Variants in PLEKHO1 observed in about 807,000 individuals in gnomAD.
PLEKHO1 encodes the protein pleckstrin homology domain containing O1, also known as pleckstrin homology domain-containing family O member 1.
PLEKHO1 carries 22 observed loss-of-function variants against 41.4 expected under a neutral mutation model. The ratio of observed to expected loss-of-function variants is 0.53; its 90% CI spans 0.38 to 0.76. The LOEUF is 0.76. Ranked by LOEUF, PLEKHO1 falls within the 30% of genes least tolerant of loss-of-function variation. PLEKHO1 has a pLI of 0.00. For synonymous variants in PLEKHO1, 225 were observed against 210.8 expected, an observed-to-expected ratio of 1.07 and a Z score of -0.58; for missense variants, 488 against 518.3, an observed-to-expected ratio of 0.94 and a Z score of 0.57.
At chr1:150,157,280 A>G (rs1559962395) in intron 4 of PLEKHO1, 105 bp from the exon 5 acceptor site, 4 of 886,686 alleles carry the variant, frequency 4.5e-6, no homozygotes, top group Non-Finnish European at 7.5e-6. Flanking sequence ...CCCCTTGCCC[A>G]TTCAGAAGCA....
intron 2 of PLEKHO1, chr1:150,154,183 C>T (rs1660075468): frequency 6.6e-6 from 1 of 152,324 alleles, no homozygotes; most frequent in Non-Finnish European, 1.5e-5. Flanking sequence ...CAACACTTTC[C>T]TCTCCACGGT....
chr1:150,159,057 C>G lies in PLEKHO1; in HGVS notation c.764C>G (p.Pro255Arg), dbSNP rs782292173. Residue 255 changes from proline to arginine, a missense_variant, in exon 6 of 6, where the codon CCC (proline) becomes CGC (arginine). Physicochemically the swap from Pro to Arg is moderately radical, Grantham distance 103. Transcript: ENST00000369124. ...ACAGACAAAGGGGCCACCTACACCCCCCAGGCACCCAAGAAGTTGACGCCC... is the reference window on the plus strand; with the variant it reads ...ACAGACAAAGGGGCCACCTACACCCGCCAGGCACCCAAGAAGTTGACGCCC... ...EKTDKGATYT[P>R]QAPKKLTPTE... is the part of the protein sequence containing the mutation. 3 of 1,614,098 alleles carry G rather than the reference C, an allele frequency of 1.9e-6. No individual in the cohort carries two copies. The highest frequency in any genetic ancestry group is 1.7e-5 in the Admixed American group (1 of 60,024).
chr1:150,155,306 T>A (rs1553820128), intron 2 of PLEKHO1: 2 of 151,900 alleles, frequency 1.3e-5, no homozygotes, highest in African/African-American at 2.4e-5. Context: ...AAGTGTAGTC[T>A]CCCAGGGAGA....
chr1:150,152,762 A>C (rs1159596377), intron 2 of PLEKHO1: 1 of 151,324 alleles, frequency 6.6e-6, no homozygotes, highest in Non-Finnish European at 1.5e-5. Context: ...TAATTGCAGG[A>C]AACTCTAGTT....
At chr1:150,149,904 A>T (rs1415298049), upstream of PLEKHO1, 1 of 150,580 alleles carries the variant, frequency 6.6e-6, no homozygotes, top group African/African-American at 2.4e-5. Flanking sequence ...CGGGGTGCGG[A>T]CTGGGCCGCC....
chr1:150,154,888 T>C (rs1660102436), intron 2 of PLEKHO1: 1 of 152,234 alleles, frequency 6.6e-6, no homozygotes, highest in Non-Finnish European at 1.5e-5. Flanking sequence ...CTAAGTCTCC[T>C]CTCTGTAACT....
rs782485298 is a variant in PLEKHO1 at position 150,159,201 on chromosome 1, G to C, written c.908G>C (p.Gly303Ala). 1 of 1,613,990 alleles carries C rather than the reference G, an allele frequency of 6.2e-7. No individual in the cohort carries two copies. Among genetic ancestry groups the C allele is most frequent in the Admixed American group, 1.7e-5 (1 of 60,012 alleles). ...EPPTPALPNP[G>A]QLSRIQDLVA... ...CCAACCCCTGCCCTCCCCAACCCGG[G>C]GCAGCTGTCCCGGATCCAGGACCTG... is the stretch of plus-strand genomic sequence containing the variant. The change falls in exon 6 of 6, where the codon GGG becomes GCG. Residue 303 changes from glycine (G) to alanine (A), a missense_variant. By Grantham distance (60) the Gly-to-Ala change is moderately conservative. Around this residue, in one of 3 missense-constraint regions of PLEKHO1, gnomAD observed 337 missense variants for 324.6 expected, o/e 1.04. Transcript: ENST00000369124.
chr1:150,155,873 C>T (rs781941929), intron 2 of PLEKHO1, 193 bp from the exon 3 acceptor site: 2 of 570,214 alleles, frequency 3.5e-6, no homozygotes, highest in South Asian at 2.5e-5. Context: ...CCTTAACATT[C>T]AAGACTTGGA....
Position 150,157,018 on chromosome 1 carries a change from C to T in PLEKHO1, c.423+3C>T. 1.3e-6 allele frequency: 2 copies of T among 1,577,302 alleles called. No homozygotes were observed. The highest frequency in any genetic ancestry group is 1.7e-6 in the Non-Finnish European group (2 of 1,146,414). On this transcript the variant is annotated splice_donor_region_variant and intron_variant, in intron 4 of 5. Transcript: ENST00000369124. ...CCAAGAACCGTATCTTGGATGAGGT[C>T]AGGGGGCTCACTGTGGGGAGAGGGA...
chr1:150,151,108 G>T, intron 2 of PLEKHO1, 50 bp downstream of exon 2: 1 of 1,606,128 alleles, frequency 6.2e-7, no homozygotes, highest in Admixed American at 1.7e-5. Flanking sequence ...CCCCCACTTT[G>T]TCACTCCCCA....
Position 150,157,021 on chromosome 1 carries a change from G to A in PLEKHO1, c.423+6G>A. 6.4e-7 allele frequency: 1 copy of A among 1,562,380 alleles called. No individual in the cohort carries two copies. Among genetic ancestry groups the A allele is most frequent in the Non-Finnish European group, 8.8e-7 (1 of 1,132,762 alleles). ...AGAACCGTATCTTGGATGAGGTCAG[G>A]GGGCTCACTGTGGGGAGAGGGAGGA... On this transcript the variant is annotated splice_donor_region_variant and intron_variant, in intron 4 of 5. Transcript: ENST00000369124.
chr1:150,152,569 C>CT (rs1322798412), intron 2 of PLEKHO1, among the ~76,000 whole-genome samples: 2 of 145,478 alleles, frequency 1.4e-5, no homozygotes, highest in African/African-American at 5.5e-5. Flanking sequence ...TCCCAAAGTG[C>CT]TGGGATTACA....
chr1:150,150,254 G>C lies in PLEKHO1; in HGVS notation c.-4G>C. 2 of 1,103,588 alleles carry C rather than the reference G, an allele frequency of 1.8e-6. No individual in the cohort carries two copies. The highest frequency in any genetic ancestry group is 2.2e-6 in the Non-Finnish European group (2 of 899,046). 68.4% of individuals were successfully genotyped at this position (1,103,588 alleles called of 1,614,324 possible). ...TCGCCGCCCCGCGCCCGCGCCCGCT[G>C]GGAATGATGAAGAAGAACAATTCCG... On this transcript the variant is annotated 5_prime_UTR_variant, in exon 1 of 6. Coordinates refer to ENST00000369124, the MANE Select transcript of PLEKHO1 (RefSeq NM_016274.6).
At position 150,159,916 on chromosome 1, in the gene PLEKHO1, A is replaced by G. The variant is rs1660367369; in HGVS notation, c.*393A>G. 3 of 164,218 alleles carry G rather than the reference A, an allele frequency of 1.8e-5. No individual in the cohort carries two copies. Among genetic ancestry groups the G allele is most frequent in the South Asian group, 3.6e-4 (2 of 5,498 alleles). The allele number at this position is 164,218 out of a possible 1,614,324, so 10.2% of individuals were successfully genotyped here. A position where few individuals can be genotyped will look rare whatever the true frequency, so the allele number is the denominator to read the frequency against. ...ATGAGGATGTTTTCTGTTATGTCCC[A>G]CCCCAGGCCTTCAGTTTGAGGGTGA... On this transcript the variant is annotated 3_prime_UTR_variant, in exon 6 of 6. Transcript: ENST00000369124.
Position 150,150,897 on chromosome 1 carries a change from C to G in PLEKHO1, c.31-15C>G, listed in dbSNP as rs1553818743. The G allele has an allele frequency of 3.7e-6, 6 of 1,612,654 alleles. No individual in the cohort carries two copies. Among genetic ancestry groups the G allele is most frequent in the African/African-American group, 1.3e-5 (1 of 74,898 alleles). ...AATCTCCTAACCGCCCGCTTCTCAT[C>G]TTGTCCTGGGGCAGGGACCTCAGGA... On this transcript the variant is annotated splice_polypyrimidine_tract_variant and intron_variant, in intron 1 of 5. Transcript: ENST00000369124.
intron 1 of PLEKHO1, chr1:150,150,521 C>G (rs1659855670): frequency 6.1e-6 from 1 of 164,738 alleles, no homozygotes; most frequent in Admixed American, 6.3e-5. Context: ...TCCCCCGCCC[C>G]CGGGCGCCGG....
At position 150,150,302 on chromosome 1, in the gene PLEKHO1, C is replaced by T. The variant is rs1559957428; in HGVS notation, c.30+15C>T. The T allele has an allele frequency of 9.2e-7, 1 of 1,086,380 alleles. No homozygotes were observed. The highest frequency in any genetic ancestry group is 2.9e-5 in the South Asian group (1 of 34,012). The allele number at this position is 1,086,380 out of a possible 1,614,324, so 67.3% of individuals were successfully genotyped here. A position where few individuals can be genotyped will look rare whatever the true frequency, so the allele number is the denominator to read the frequency against. On this transcript the variant is annotated intron_variant, in intron 1 of 5. Coordinates refer to ENST00000369124, the MANE Select transcript of PLEKHO1 (RefSeq NM_016274.6). Reference sequence around the variant, plus strand: ...CCGCCAAGCGGGTGAGTGCGCTTGCCCGCCCTGCGGCCGCCGCCGCCTCCG... The same window carrying T: ...CCGCCAAGCGGGTGAGTGCGCTTGCTCGCCCTGCGGCCGCCGCCGCCTCCG...
intron 2 of PLEKHO1, among the ~76,000 whole-genome samples, chr1:150,151,473 CTG>C (rs1381764339): frequency 1.3e-5 from 2 of 152,204 alleles, no homozygotes; most frequent in Non-Finnish European, 2.9e-5. Flanking sequence ...CCTTTCCTGT[CTG>C]TGGCAGGAGC....
chr1:150,153,070 GC>G (rs1480665729), intron 2 of PLEKHO1: 1 of 152,178 alleles, frequency 6.6e-6, no homozygotes, highest in Non-Finnish European at 1.5e-5. Flanking sequence ...CTTTTTTAGA[GC>G]CAGTTTCAAT....
Sources: gnomAD v4.1 joint callset for allele counts (sites outside exome capture counted in the v4.1 genomes callset) on GRCh38, gnomAD v4.1.1 for gene constraint, gnomAD v4.1.1 regional missense constraint, MANE v1.5 for transcripts, NCBI Gene and HGNC (gene_info 2026-07-23, HGNC 2026-07-21) for gene names.